Variants in SYBU observed in about 807,000 individuals in gnomAD.
The protein encoded by SYBU is syntabulin.
Under a neutral mutation model 35.9 loss-of-function variants are expected in SYBU, and 21 were observed. The observed-to-expected ratio is 0.58, with a 90% confidence interval of 0.41 to 0.84. The LOEUF (loss-of-function observed/expected upper bound fraction) is 0.84. SYBU is among the 40% of genes least tolerant of loss of function. SYBU has a pLI of 0.00. For missense variants in SYBU, 768 were observed against 848.2 expected (o/e 0.91, Z 1.17); for synonymous variants, 319 against 324.3 (o/e 0.98, Z 0.18).
chr8:109,658,962 AAAAG>A (rs774179884), intron 1 of SYBU, among the ~76,000 whole-genome samples: 17 of 152,106 alleles, frequency 1.1e-4, no homozygotes, highest in Non-Finnish European at 2.1e-4. Flanking sequence ...CCTAAAAAAA[AAAAG>A]AAAGAAAGCA....
intron 3 of SYBU, among the ~76,000 whole-genome samples, chr8:109,596,838 A>G (rs997367199): frequency 2.0e-5 from 3 of 152,214 alleles, no homozygotes; most frequent in South Asian, 2.1e-4. Context: ...AGAGTCTAAG[A>G]AGAAAAATCA....
At chr8:109,628,336 A>G (rs916272157) in intron 2 of SYBU, among the ~76,000 whole-genome samples, 1 of 149,398 alleles carries the variant, frequency 6.7e-6, no homozygotes, top group Non-Finnish European at 1.5e-5. Context: ...TGGGGAAACC[A>G]CATCTCTTTT....
Position 109,617,814 on chromosome 8 carries a change from G to C in SYBU, c.427+1028C>G, listed in dbSNP as rs146526492. Among the ~76,000 whole-genome samples the C allele has an allele frequency of 3.3e-3, 498 of 152,280 alleles. 3 individuals carry two copies. Among genetic ancestry groups the C allele is most frequent in the African/African-American group, 0.011 (444 of 41,548 alleles). Reference sequence around the variant, plus strand: ...TTTTTCACAGTTTAAGTTTTCCTTGGTGACAAAATGACCTAATCTTTGGTT... The same window carrying C: ...TTTTTCACAGTTTAAGTTTTCCTTGCTGACAAAATGACCTAATCTTTGGTT... On this transcript the variant is annotated intron_variant, in intron 3 of 6. Coordinates refer to ENST00000276646, the MANE Select transcript of SYBU (RefSeq NM_001099754.2).
intron 5 of SYBU, 92 bp from the exon 6 acceptor site, chr8:109,578,109 G>T: frequency 7.3e-7 from 1 of 1,368,064 alleles, no homozygotes; most frequent in Non-Finnish European, 9.9e-7. Flanking sequence ...CTGAATGTCT[G>T]TGTCCCTCCA....
chr8:109,615,510 T>C (rs1305119204), intron 3 of SYBU, among the ~76,000 whole-genome samples: 1 of 152,172 alleles, frequency 6.6e-6, no homozygotes, highest in Non-Finnish European at 1.5e-5. Context: ...ACGGTGCAGA[T>C]TTTTGTCAAA....
chr8:109,628,204 T>C (rs1813183951), intron 2 of SYBU, among the ~76,000 whole-genome samples: 1 of 152,158 alleles, frequency 6.6e-6, no homozygotes, highest in South Asian at 2.1e-4. Flanking sequence ...AGTTAAAAAA[T>C]ACATAAAAAG....
intron 4 of SYBU, 111 bp from the exon 5 acceptor site, chr8:109,580,113 A>G: frequency 9.9e-7 from 1 of 1,013,132 alleles, no homozygotes; most frequent in Admixed American, 1.9e-5. Flanking sequence ...TGAAAGGCGC[A>G]ATACAATTAT....
upstream of SYBU, among the ~76,000 whole-genome samples, chr8:109,649,196 G>T (rs1183245034): frequency 2.0e-5 from 3 of 151,482 alleles, no homozygotes; most frequent in Admixed American, 6.6e-5. Context: ...AGAGATGGGG[G>T]TTTCACCATG....
At chr8:109,581,736 G>T (rs1313987734) in intron 4 of SYBU, among the ~76,000 whole-genome samples, 1 of 152,154 alleles carries the variant, frequency 6.6e-6, no homozygotes, top group Non-Finnish European at 1.5e-5. Flanking sequence ...GTGTGCATGT[G>T]GGTACACTTG....
intron 4 of SYBU, 31 bp from the exon 5 acceptor site, chr8:109,580,033 T>C: frequency 6.2e-7 from 1 of 1,603,958 alleles, no homozygotes; most frequent in Non-Finnish European, 8.5e-7. Flanking sequence ...ATGTTAAAAT[T>C]CTTGGGGCTA....
At chr8:109,688,569 A>G (rs576138671) in intron 1 of SYBU, among the ~76,000 whole-genome samples, 1 of 152,300 alleles carries the variant, frequency 6.6e-6, no homozygotes, top group South Asian at 2.1e-4. Flanking sequence ...GACTTTTCAG[A>G]TATTTCAAAT....
At chr8:109,663,262 TAGATAG>T (rs1816635042) in intron 1 of SYBU, among the ~76,000 whole-genome samples, 1 of 79,434 alleles carries the variant, frequency 1.3e-5, no homozygotes, top group African/African-American at 7.6e-5. Flanking sequence ...TACATACAGA[TAGATAG>T]ATAGATAGAT....
At chr8:109,644,278 G>T (rs572150102) in intron 1 of SYBU, 6 of 509,962 alleles carry the variant, frequency 1.2e-5, no homozygotes, top group Admixed American at 1.2e-4. Context: ...CTAAGGCAGG[G>T]TCACTGACAC....
intron 3 of SYBU, among the ~76,000 whole-genome samples, chr8:109,602,072 A>T (rs2130069174): frequency 6.6e-6 from 1 of 152,306 alleles, no homozygotes; most frequent in African/African-American, 2.4e-5. Context: ...AATGCTGAAA[A>T]AGGAGACCCT....
At chr8:109,660,866 G>T (rs1468501277) in intron 1 of SYBU, among the ~76,000 whole-genome samples, 1 of 152,112 alleles carries the variant, frequency 6.6e-6, no homozygotes, top group Non-Finnish European at 1.5e-5. Context: ...TACATGAATT[G>T]CTGAATATTA....
chr8:109,587,721 C>T (rs1823789306), intron 3 of SYBU, among the ~76,000 whole-genome samples: 1 of 152,160 alleles, frequency 6.6e-6, no homozygotes, highest in Non-Finnish European at 1.5e-5. Flanking sequence ...CTCTCAGGAA[C>T]TCCAGCCTCT....
At chr8:109,604,047 A>G (rs1004462054) in intron 3 of SYBU, among the ~76,000 whole-genome samples, 1 of 152,216 alleles carries the variant, frequency 6.6e-6, no homozygotes, top group African/African-American at 2.4e-5. Flanking sequence ...ATTTAAAACA[A>G]ATGCTTATCA....
In SYBU at chr8:109,618,919, G is replaced by A. The variant is rs991822568; in HGVS notation, c.350C>T (p.Thr117Met). 1.1e-5 allele frequency: 17 copies of A among 1,614,090 alleles called. No homozygotes were observed. Among genetic ancestry groups the A allele is most frequent in the South Asian group, 5.5e-5 (5 of 91,086 alleles). ...SDEGFTRKKC[T>M]IGMVGEGSIQ... ...GCTTCCTTCACCAACCATTCCAATC[G>A]TGCATTTCTTTCTGGTGAAGCCTTC... Residue 117 changes from threonine to methionine, a missense_variant, in exon 3 of 7, where the codon ACG becomes ATG. Thr to Met is a moderately conservative substitution (Grantham distance 81, BLOSUM62 -1). Transcript: ENST00000276646.
chr8:109,643,939 T>G (rs1289627401), intron 1 of SYBU, among the ~76,000 whole-genome samples: 3 of 151,930 alleles, frequency 2.0e-5, no homozygotes, highest in Admixed American at 2.0e-4. Flanking sequence ...AGGAGGAGCG[T>G]TTTGCAAAAA....
Sources: gnomAD v4.1 joint callset for allele counts (sites outside exome capture counted in the v4.1 genomes callset) on GRCh38, gnomAD v4.1.1 for gene constraint, MANE v1.5 for transcripts, NCBI Gene and HGNC (gene_info 2026-07-23, HGNC 2026-07-21) for gene names.